Variants in DNAJC12 observed in about 807,000 individuals in gnomAD.
DNAJC12 encodes the protein dnaJ homolog subfamily C member 12.
In DNAJC12, 25 loss-of-function variants were observed where a neutral mutation model predicts 28.5. The observed-to-expected ratio is 0.88, with a 90% CI of 0.64 to 1.22. The LOEUF (loss-of-function observed/expected upper bound fraction) is 1.22. Ranked by LOEUF, DNAJC12 falls within the 50% of genes most tolerant of loss-of-function variation. The probability of loss-of-function intolerance (pLI) is 0.00; values close to 1 mark genes in which losing one functional copy is unlikely to be tolerated. For missense variants in DNAJC12, 222 were observed against 231.7 expected (o/e 0.96, Z 0.27); for synonymous variants, 77 against 80.6 (o/e 0.95, Z 0.24).
intron 3 of DNAJC12, 138 bp from the exon 4 acceptor site, chr10:67,805,925 G>T: frequency 5.2e-6 from 3 of 578,232 alleles, no homozygotes; most frequent in South Asian, 7.0e-5. Context: ...CTATTAACAA[G>T]ATACTCATAA....
intron 2 of DNAJC12, among the ~76,000 whole-genome samples, chr10:67,813,566 G>A (rs1007832057): frequency 6.6e-6 from 1 of 150,990 alleles, no homozygotes; most frequent in African/African-American, 2.4e-5. Context: ...TGGCCAACAT[G>A]GTGAAACCCC....
intron 1 of DNAJC12, among the ~76,000 whole-genome samples, chr10:67,834,855 A>T (rs962747644): frequency 2.0e-5 from 3 of 152,144 alleles, no homozygotes; most frequent in African/African-American, 7.2e-5. Flanking sequence ...AATCCAATAT[A>T]GGGAGAAAGG....
intron 1 of DNAJC12, among the ~76,000 whole-genome samples, chr10:67,824,803 C>T (rs1041755125): frequency 4.0e-5 from 6 of 151,770 alleles, no homozygotes; most frequent in African/African-American, 9.7e-5. Context: ...GCGTGATCTC[C>T]GCTCACTGCA....
At chr10:67,828,786 G>T (rs1842062909) in intron 1 of DNAJC12, among the ~76,000 whole-genome samples, 1 of 151,868 alleles carries the variant, frequency 6.6e-6, no homozygotes, top group Admixed American at 6.6e-5. Context: ...TCAGAGGTAA[G>T]AAAAGAATAG....
At chr10:67,815,056 C>T (rs1841899617) in intron 2 of DNAJC12, among the ~76,000 whole-genome samples, 1 of 152,136 alleles carries the variant, frequency 6.6e-6, no homozygotes, top group Non-Finnish European at 1.5e-5. Context: ...TATATGATAG[C>T]AGCATTACTC....
At chr10:67,811,724 A>C in intron 2 of DNAJC12, 61 bp from the exon 3 acceptor site, 1 of 1,564,206 alleles carries the variant, frequency 6.4e-7, no homozygotes, top group Non-Finnish European at 8.6e-7. Context: ...AAACTCCAAA[A>C]CTATCCAACT....
intron 1 of DNAJC12, among the ~76,000 whole-genome samples, chr10:67,829,127 A>G (rs996095922): frequency 6.6e-6 from 1 of 152,110 alleles, no homozygotes; most frequent in African/African-American, 2.4e-5. Flanking sequence ...CAAGATAGGG[A>G]AGCAAAAAGC....
chr10:67,834,863 AG>A (rs1327698227), intron 1 of DNAJC12, among the ~76,000 whole-genome samples: 1 of 152,202 alleles, frequency 6.6e-6, no homozygotes, highest in South Asian at 2.1e-4. Flanking sequence ...ATAGGGAGAA[AG>A]GCTAACTGTC....
At chr10:67,830,521 C>T (rs1217315276) in intron 1 of DNAJC12, among the ~76,000 whole-genome samples, 2 of 145,504 alleles carry the variant, frequency 1.4e-5, no homozygotes, top group Non-Finnish European at 3.0e-5. Context: ...GGCAGAAGAA[C>T]GGCGTGAACC....
At chr10:67,825,900 A>G (rs925825054) in intron 1 of DNAJC12, among the ~76,000 whole-genome samples, 5 of 152,172 alleles carry the variant, frequency 3.3e-5, no homozygotes, top group Non-Finnish European at 7.3e-5. Context: ...ACCATAACCT[A>G]CTTATATAAC....
In DNAJC12 at chr10:67,811,630, T is replaced by C; in HGVS notation, c.191A>G (p.Glu64Gly). The change falls in exon 3 of 5, where the codon GAG (glutamate) becomes GGG (glycine). Residue 64 changes from glutamate to glycine, a missense_variant. Coordinates refer to ENST00000225171, the MANE Select transcript of DNAJC12 (RefSeq NM_021800.3). ...ETFQKLQKAKEILTNEESRAR... is the reference protein window; with the variant it reads ...ETFQKLQKAKGILTNEESRAR... ...TCGACTCTCTTCATTGGTCAGAATC[T>C]CCTTTGCCTTCTGCAGTTTCTGAAA... is the stretch of plus-strand genomic sequence containing the variant. 6.2e-7 allele frequency: 1 copy of C among 1,613,950 alleles called. No homozygotes were observed.
At position 67,805,704 on chromosome 10, in the gene DNAJC12, C is replaced by T. The variant is rs1370667108; in HGVS notation, c.381G>A (p.Glu127=). The T allele has an allele frequency of 1.2e-6, 2 of 1,613,244 alleles. No homozygotes were observed. Among genetic ancestry groups the T allele is most frequent in the East Asian group, 2.2e-5 (1 of 44,836 alleles). ...DKTHTTKMEN[E]ECNEQRERKK... is the part of the protein sequence containing the mutation. Reference sequence around the variant, plus strand: ...TTCTTTCTCTTTGCTCATTACATTCCTCATTTTCCATCTTGGTGGTATGAG... The same window carrying T: ...TTCTTTCTCTTTGCTCATTACATTCTTCATTTTCCATCTTGGTGGTATGAG... Residue 127 remains glutamate (E), a synonymous_variant, in exon 4 of 5, where the codon GAG becomes GAA. Transcript: ENST00000225171.
chr10:67,833,109 C>T (rs917135093), intron 1 of DNAJC12, among the ~76,000 whole-genome samples: 8 of 152,160 alleles, frequency 5.3e-5, no homozygotes, highest in African/African-American at 1.4e-4. Flanking sequence ...AAGGGTTAAG[C>T]GTAATAAGGG....
chr10:67,805,630 G>T lies in DNAJC12; in HGVS notation c.455C>A (p.Pro152His). Reference sequence around the variant, plus strand: ...GGAGACTGACTTCTCTAGGGGCTTGGGTTCTTTCTGCTCCGTTTTCTCTGC... The same window carrying T: ...GGAGACTGACTTCTCTAGGGGCTTGTGTTCTTTCTGCTCCGTTTTCTCTGC... ...STAEKTEQKE[P>H]KPLEKSVSPQ... Residue 152 changes from proline to histidine, a missense_variant, in exon 4 of 5, where the codon CCC becomes CAC. Physicochemically the swap from Pro to His is moderately conservative, Grantham distance 77. Coordinates refer to ENST00000225171, the MANE Select transcript of DNAJC12 (RefSeq NM_021800.3). The T allele has an allele frequency of 1.9e-6, 3 of 1,613,180 alleles. No individual in the cohort carries two copies. Among genetic ancestry groups the T allele is most frequent in the Non-Finnish European group, 2.5e-6 (3 of 1,179,660 alleles).
chr10:67,838,053 G>T lies in DNAJC12; in HGVS notation c.-42C>A, dbSNP rs747864748. 1 of 1,327,772 alleles carries T rather than the reference G, an allele frequency of 7.5e-7. No individual in the cohort carries two copies. Among genetic ancestry groups the T allele is most frequent in the Non-Finnish European group, 1.1e-6 (1 of 935,936 alleles). The allele number at this position is 1,327,772 out of a possible 1,614,324, so 82.2% of individuals were successfully genotyped here. ...GTCCTTCTTCCCTCGGAAACAAGAG[G>T]CACAGTGAGCTTCGAATTAACAGGA... On this transcript the variant is annotated 5_prime_UTR_variant, in exon 1 of 5. Transcript: ENST00000225171.
intron 1 of DNAJC12, among the ~76,000 whole-genome samples, chr10:67,827,283 A>G (rs1842046242): frequency 6.6e-6 from 1 of 151,896 alleles, no homozygotes; most frequent in East Asian, 1.9e-4. Flanking sequence ...GTTACTCAGG[A>G]GGCTGAGGCA....
intron 2 of DNAJC12, among the ~76,000 whole-genome samples, chr10:67,821,631 G>A (rs146194715): frequency 1.3e-5 from 2 of 152,294 alleles, no homozygotes; most frequent in African/African-American, 4.8e-5. Context: ...ACATATGTGG[G>A]CATCTGTTAG....
intron 3 of DNAJC12, among the ~76,000 whole-genome samples, chr10:67,807,218 A>G (rs1201200987): frequency 1.3e-5 from 2 of 151,956 alleles, no homozygotes. Flanking sequence ...CTGGTATCGC[A>G]CCACTGCACT....
At chr10:67,800,155 G>A (rs184911540) in intron 4 of DNAJC12, among the ~76,000 whole-genome samples, 190 of 148,738 alleles carry the variant, frequency 1.3e-3, no homozygotes, top group African/African-American at 4.3e-3. Context: ...CTAGGAGGTC[G>A]AGGCTGCAGT....
Sources: gnomAD v4.1 joint callset for allele counts (sites outside exome capture counted in the v4.1 genomes callset) on GRCh38, gnomAD v4.1.1 for gene constraint, MANE v1.5 for transcripts, NCBI Gene and HGNC (gene_info 2026-07-23, HGNC 2026-07-21) for gene names.